Variants in ITPR1 observed in about 807,000 individuals in gnomAD.
The protein encoded by ITPR1 is inositol 1,4,5-trisphosphate receptor type 1.
In ITPR1, 96 loss-of-function variants were observed where a neutral mutation model predicts 318.4. The observed-to-expected ratio is 0.30, with a 90% CI of 0.26 to 0.36. ITPR1 has a LOEUF of 0.36. Among genes scored for constraint, ITPR1 ranks in the 10% least tolerant of loss-of-function variants. The pLI, the probability that ITPR1 is intolerant of heterozygous loss-of-function variation, is 1.00. For missense variants in ITPR1, 2,440 were observed against 3,460.2 expected (o/e 0.71, Z 7.40); for synonymous variants, 1,312 against 1,289.9 (o/e 1.02, Z -0.37).
At chr3:4,740,662 T>A (rs189553584) in intron 44 of ITPR1, among the ~76,000 whole-genome samples, 1 of 152,262 alleles carries the variant, frequency 6.6e-6, no homozygotes, top group African/African-American at 2.4e-5. Flanking sequence ...CAGCATCTTT[T>A]CTTCCTGCCC....
At chr3:4,845,090 G>A (rs2051661636) in intron 61 of ITPR1, among the ~76,000 whole-genome samples, 1 of 152,204 alleles carries the variant, frequency 6.6e-6, no homozygotes, top group African/African-American at 2.4e-5. Flanking sequence ...CATCCTGATT[G>A]TATGGATGAG....
intron 57 of ITPR1, chr3:4,814,186 C>T (rs2049128719): frequency 5.8e-6 from 3 of 515,462 alleles, no homozygotes; most frequent in Non-Finnish European, 1.1e-5. Flanking sequence ...TTTTAGATCC[C>T]ACAGAGGGAG....
intron 58 of ITPR1, 47 bp downstream of exon 58, chr3:4,814,609 T>TGGTTGGGCCAGGGGGGGGGGGGGGGGG: frequency 2.2e-6 from 1 of 458,446 alleles, no homozygotes; most frequent in Non-Finnish European, 3.9e-6. Flanking sequence ...GCGGGTGGGG[T>TGGTTGGGCCAGGGGGGGGGGGGGGGGG]GGTTGGTGGG....
intron 44 of ITPR1, among the ~76,000 whole-genome samples, chr3:4,739,037 G>A (rs2043503690): frequency 6.6e-6 from 1 of 152,246 alleles, no homozygotes; most frequent in East Asian, 1.9e-4. Flanking sequence ...TGACTTGTCA[G>A]AGCCCCTTGG....
At chr3:4,587,968 C>G (rs2090061864) in intron 4 of ITPR1, among the ~76,000 whole-genome samples, 2 of 926 alleles carry the variant, frequency 2.2e-3, no homozygotes. Flanking sequence ...GAGATTCTCC[C>G]TAAGCATATT....
rs2106521760 is a variant in ITPR1, at chr3:4,826,913, G to GAGTC, written c.8028+8674_8028+8677dup. ...TGTGCTAAGGGAGAGCATGGGGCGT[G>GAGTC]AGTCAGGTATACCCAGGAGTCTAGT... On this transcript the variant is annotated intron_variant, in intron 60 of 61. Coordinates refer to ENST00000649015, the MANE Select transcript of ITPR1 (RefSeq NM_001378452.1). The surrounding 1 kb of genome is among the most constrained non-coding windows in gnomAD (Gnocchi z 4.2). Among the ~76,000 whole-genome samples the GAGTC allele has an allele frequency of 6.6e-6, 1 of 152,288 alleles. No homozygotes were observed. Among genetic ancestry groups the GAGTC allele is most frequent in the Admixed American group, 6.5e-5 (1 of 15,298 alleles).
intron 2 of ITPR1, among the ~76,000 whole-genome samples, chr3:4,501,804 C>T (rs1216232378): frequency 6.6e-6 from 1 of 152,220 alleles, no homozygotes; most frequent in Non-Finnish European, 1.5e-5. Context: ...GACCAGAAGG[C>T]ACATGTACCC....
intron 40 of ITPR1, among the ~76,000 whole-genome samples, chr3:4,717,899 G>C (rs1043575081): frequency 2.0e-5 from 3 of 152,194 alleles, no homozygotes; most frequent in African/African-American, 7.2e-5. Context: ...AGCGCAGTGT[G>C]AATTCCTACG....
chr3:4,713,687 C>T (rs948010593), intron 39 of ITPR1, among the ~76,000 whole-genome samples: 6 of 152,192 alleles, frequency 3.9e-5, no homozygotes, highest in African/African-American at 1.4e-4. Context: ...AGAGGACCCT[C>T]AAAGGAGATC....
At chr3:4,776,869 C>A (rs944897590) in intron 47 of ITPR1, among the ~76,000 whole-genome samples, 2 of 152,050 alleles carry the variant, frequency 1.3e-5, no homozygotes, top group African/African-American at 2.4e-5. Context: ...CAAGCTTAAG[C>A]CTTAAGCTAA....
chr3:4,620,578 TC>T (rs2125115938), intron 4 of ITPR1, among the ~76,000 whole-genome samples: 1 of 152,186 alleles, frequency 6.6e-6, no homozygotes, highest in East Asian at 1.9e-4. Flanking sequence ...TCAAGCTCCA[TC>T]CCTCCATCCT....
chr3:4,777,491 A>C, intron 48 of ITPR1, 117 bp downstream of exon 48: 1 of 658,722 alleles, frequency 1.5e-6, no homozygotes, highest in Non-Finnish European at 2.7e-6. Context: ...ATAGTTCTTT[A>C]AATGAATGAC....
chr3:4,789,373 T>G (rs1167974245), intron 52 of ITPR1, among the ~76,000 whole-genome samples: 4 of 152,172 alleles, frequency 2.6e-5, no homozygotes, highest in Non-Finnish European at 2.9e-5. Context: ...TCAAAGACTC[T>G]TGCAGCTCCA....
At chr3:4,822,145 C>T (rs889195300) in intron 60 of ITPR1, among the ~76,000 whole-genome samples, 3 of 152,156 alleles carry the variant, frequency 2.0e-5, no homozygotes, top group Admixed American at 6.5e-5. Flanking sequence ...CGGTTCCTAC[C>T]GCCTCACACA....
At chr3:4,755,493 C>A (rs1012779914) in intron 44 of ITPR1, among the ~76,000 whole-genome samples, 1 of 151,864 alleles carries the variant, frequency 6.6e-6, no homozygotes, top group Admixed American at 6.6e-5. Context: ...TCCACCTTGG[C>A]CTCCGGAAGT....
intron 18 of ITPR1, 116 bp from the exon 19 acceptor site, chr3:4,669,538 T>A: frequency 1.1e-6 from 1 of 950,680 alleles, no homozygotes; most frequent in Non-Finnish European, 1.5e-6. Context: ...CTTAGAATGC[T>A]GCTGACATGT....
Position 4,725,535 on chromosome 3 carries a change from C to T in ITPR1, c.5137-11C>T. On this transcript the variant is annotated splice_polypyrimidine_tract_variant and intron_variant, in intron 40 of 61. Transcript: ENST00000649015. ...GCCATGACTAACGTACTTCGTTTTA[C>T]TCCCAATTAGCTTCCTCCAGCTCCG... 6.3e-7 allele frequency: 1 copy of T among 1,598,602 alleles called. No homozygotes were observed.
chr3:4,592,644 C>T (rs541228592), intron 4 of ITPR1, among the ~76,000 whole-genome samples: 1 of 152,172 alleles, frequency 6.6e-6, no homozygotes, highest in East Asian at 1.9e-4. Flanking sequence ...TAGGTGGACT[C>T]CATTGTCAGG....
chr3:4,587,001 G>A (rs143335498), intron 4 of ITPR1, among the ~76,000 whole-genome samples: 11 of 152,122 alleles, frequency 7.2e-5, no homozygotes, highest in East Asian at 1.9e-4. Flanking sequence ...GGAATCACCC[G>A]GGAGATTCAA....
Sources: gnomAD v4.1 joint callset for allele counts (sites outside exome capture counted in the v4.1 genomes callset) on GRCh38, gnomAD v4.1.1 for gene constraint, Gnocchi (gnomAD v3.1) non-coding constraint, MANE v1.5 for transcripts, NCBI Gene and HGNC (gene_info 2026-07-23, HGNC 2026-07-21) for gene names.